The following IQCM variants were observed in gnomAD, a reference collection of about 807,000 sequenced individuals.
IQCM encodes IQ motif containing M.
Under a neutral mutation model 57.6 loss-of-function variants are expected in IQCM, and 45 were observed. The ratio of observed to expected loss-of-function variants is 0.78; its 90% CI spans 0.62 to 1.00. The LOEUF (loss-of-function observed/expected upper bound fraction) is 1.00. IQCM is among the 50% of genes least tolerant of loss of function. The pLI is 0.00. For synonymous variants in IQCM, 148 were observed against 158.9 expected, an observed-to-expected ratio of 0.93 and a Z score of 0.51; for missense variants, 468 against 511.6, an observed-to-expected ratio of 0.91 and a Z score of 0.82.
At chr4:149,395,713 A>G (rs757935688) in intron 13 of IQCM, among the ~76,000 whole-genome samples, 2 of 152,020 alleles carry the variant, frequency 1.3e-5, no homozygotes, top group Non-Finnish European at 2.9e-5. Flanking sequence ...ATCAGGAGAC[A>G]GGAACATATT....
At chr4:149,397,002 G>C (rs1732276284) in intron 13 of IQCM, among the ~76,000 whole-genome samples, 1 of 151,992 alleles carries the variant, frequency 6.6e-6, no homozygotes. Flanking sequence ...ATGATGCAAT[G>C]AACATAAGAA....
At chr4:149,548,719 G>A (rs1416946485) in intron 11 of IQCM, 130 bp from the exon 12 acceptor site, 5 of 436,150 alleles carry the variant, frequency 1.1e-5, no homozygotes, top group Non-Finnish European at 1.9e-5. Flanking sequence ...TCAACCTTCT[G>A]GCAAAGGTTA....
At chr4:149,702,951 T>A (rs1157510491) in intron 5 of IQCM, among the ~76,000 whole-genome samples, 1 of 151,900 alleles carries the variant, frequency 6.6e-6, no homozygotes, top group Non-Finnish European at 1.5e-5. Flanking sequence ...GTTTCAAATA[T>A]TCTGACAAGA....
At chr4:149,553,688 T>C (rs1210557972) in intron 10 of IQCM, among the ~76,000 whole-genome samples, 1 of 152,190 alleles carries the variant, frequency 6.6e-6, no homozygotes, top group African/African-American at 2.4e-5. Flanking sequence ...TGTCTCTTAT[T>C]TCCTTGGGAA....
At chr4:149,783,353 G>A (rs1397971497) in intron 2 of IQCM, among the ~76,000 whole-genome samples, 2 of 151,896 alleles carry the variant, frequency 1.3e-5, no homozygotes, top group South Asian at 2.1e-4. Context: ...ATTAACAAAC[G>A]CTCTCAAAAT....
chr4:149,403,143 A>G (rs1260863512), intron 13 of IQCM, among the ~76,000 whole-genome samples: 1 of 151,972 alleles, frequency 6.6e-6, no homozygotes, highest in Non-Finnish European at 1.5e-5. Context: ...TTTATTTCTT[A>G]AGACTGAATT....
chr4:149,809,053 C>G lies in IQCM; in HGVS notation c.-49+6258G>C, dbSNP rs181932427. On this transcript the variant is annotated intron_variant, in intron 2 of 13. Transcript: ENST00000636793. Reference sequence around the variant, plus strand: ...TTTGTCCTGAACTTACCAGGCACCTCAGCACCTGCAGAGAGTGTTTTCTCA... The same window carrying G: ...TTTGTCCTGAACTTACCAGGCACCTGAGCACCTGCAGAGAGTGTTTTCTCA... 2.2e-3 allele frequency among the ~76,000 whole-genome samples: 341 copies of G among 152,248 alleles called. 3 individuals are homozygous for G. In the Middle Eastern group the frequency reaches 0.031, roughly 14 times the overall value.
chr4:149,599,940 T>A (rs887056649), intron 8 of IQCM, among the ~76,000 whole-genome samples: 3 of 152,108 alleles, frequency 2.0e-5, no homozygotes, highest in Non-Finnish European at 4.4e-5. Context: ...CATTTTAATA[T>A]ACTTGTGTTC....
At chr4:149,726,071 A>AAAGG (rs1765867913) in intron 5 of IQCM, among the ~76,000 whole-genome samples, 2 of 94,748 alleles carry the variant, frequency 2.1e-5, no homozygotes, top group Admixed American at 1.2e-4. Context: ...TCTTCCCTCT[A>AAAGG]AAAGAAAGAA....
chr4:149,565,398 A>G (rs2149943141), intron 9 of IQCM, among the ~76,000 whole-genome samples: 1 of 152,322 alleles, frequency 6.6e-6, no homozygotes, highest in East Asian at 1.9e-4. Context: ...ACCCAGCCAC[A>G]AAGTCTCTGT....
intron 12 of IQCM, among the ~76,000 whole-genome samples, chr4:149,476,533 T>C (rs1740213221): frequency 6.6e-6 from 1 of 152,158 alleles, no homozygotes; most frequent in South Asian, 2.1e-4. Flanking sequence ...GTGAGTCTAC[T>C]TCAAAGAAGA....
intron 7 of IQCM, among the ~76,000 whole-genome samples, chr4:149,652,321 G>C: frequency 6.6e-6 from 1 of 151,996 alleles, no homozygotes; most frequent in Non-Finnish European, 1.5e-5. Flanking sequence ...GGGAGGGAGA[G>C]CATTAGGACA....
At chr4:149,815,149 A>C (rs528210191) in intron 2 of IQCM, among the ~76,000 whole-genome samples, 162 bp downstream of exon 2, 1 of 152,094 alleles carries the variant, frequency 6.6e-6, no homozygotes, top group South Asian at 2.1e-4. Context: ...TTAAAAGGAA[A>C]ATTTTAAGTA....
intron 12 of IQCM, among the ~76,000 whole-genome samples, chr4:149,435,640 GTTATC>G (rs898042222): frequency 3.3e-5 from 5 of 151,398 alleles, no homozygotes; most frequent in African/African-American, 1.2e-4. Context: ...AGAAAGCATT[GTTATC>G]ATAGGAGATG....
At chr4:149,401,791 C>T (rs1021779241) in intron 13 of IQCM, among the ~76,000 whole-genome samples, 1 of 151,756 alleles carries the variant, frequency 6.6e-6, no homozygotes, top group Non-Finnish European at 1.5e-5. Context: ...TTCAGCACTG[C>T]TAATGAAAAT....
At chr4:149,386,000 T>A (rs72724066) in intron 13 of IQCM, among the ~76,000 whole-genome samples, 1,961 of 152,208 alleles carry the variant, frequency 0.013, 28 homozygotes, top group Middle Eastern at 0.037. Context: ...AGTGATCTAG[T>A]CAGCTCTTTA....
chr4:149,755,341 C>A (rs1418002994), intron 2 of IQCM, among the ~76,000 whole-genome samples: 3 of 152,160 alleles, frequency 2.0e-5, no homozygotes, highest in Non-Finnish European at 4.4e-5. Flanking sequence ...TCCCCACACA[C>A]CCCTACATTA....
chr4:149,556,183 A>G (rs1252202433), intron 10 of IQCM, among the ~76,000 whole-genome samples: 1 of 152,248 alleles, frequency 6.6e-6, no homozygotes, highest in Non-Finnish European at 1.5e-5. Context: ...ATTATAAATT[A>G]CTGATTATAA....
intron 5 of IQCM, among the ~76,000 whole-genome samples, chr4:149,728,603 A>G (rs1306744795): frequency 6.6e-6 from 1 of 152,220 alleles, no homozygotes; most frequent in African/African-American, 2.4e-5. Flanking sequence ...AGGAGAACAC[A>G]TAACACTTTT....
Sources: gnomAD v4.1 joint callset for allele counts (sites outside exome capture counted in the v4.1 genomes callset) on GRCh38, gnomAD v4.1.1 for gene constraint, MANE v1.5 for transcripts, NCBI Gene and HGNC (gene_info 2026-07-23, HGNC 2026-07-21) for gene names.